The following PDLIM5 variants were observed in gnomAD, a reference collection of about 807,000 sequenced individuals.
PDLIM5 encodes the protein PDZ and LIM domain 5.
A neutral mutation model predicts 64.2 loss-of-function variants in PDLIM5; 34 were observed. The ratio of observed to expected loss-of-function variants is 0.53; its 90% CI spans 0.40 to 0.71. The LOEUF is 0.71. PDLIM5 is among the 30% of genes least tolerant of loss of function. The probability of loss-of-function intolerance (pLI) is 0.00; values close to 1 mark genes in which losing one functional copy is unlikely to be tolerated. For missense variants in PDLIM5, 683 were observed against 733.6 expected (o/e 0.93, Z 0.80); for synonymous variants, 253 against 269.1 (o/e 0.94, Z 0.59).
At chr4:94,598,290 C>G (rs892902562) in intron 7 of PDLIM5, among the ~76,000 whole-genome samples, 8 of 152,048 alleles carry the variant, frequency 5.3e-5, no homozygotes, top group African/African-American at 1.7e-4. Flanking sequence ...TCGTATGGCT[C>G]CTAAAATGAT....
intron 7 of PDLIM5, among the ~76,000 whole-genome samples, chr4:94,597,299 T>G (rs1237570966): frequency 2.0e-5 from 3 of 152,164 alleles, no homozygotes; most frequent in Admixed American, 2.0e-4. Flanking sequence ...AAGTTTACCC[T>G]TGGCTTACAG....
chr4:94,459,792 C>G (rs142371669), intron 2 of PDLIM5, among the ~76,000 whole-genome samples: 146 of 152,112 alleles, frequency 9.6e-4, no homozygotes, highest in Non-Finnish European at 1.8e-3. Flanking sequence ...TGAACTGATC[C>G]TCAAAGGATG....
chr4:94,476,292 C>CTTT (rs1725317253), intron 2 of PDLIM5, among the ~76,000 whole-genome samples: 1 of 152,050 alleles, frequency 6.6e-6, no homozygotes, highest in African/African-American at 2.4e-5. Flanking sequence ...CCTTTCTGGA[C>CTTT]ACGTAAAAGT....
chr4:94,585,351 A>G (rs983437089), intron 5 of PDLIM5, among the ~76,000 whole-genome samples: 2 of 152,098 alleles, frequency 1.3e-5, no homozygotes, highest in African/African-American at 4.8e-5. Context: ...CAGCCTCCCA[A>G]AGTGCTGGGA....
chr4:94,660,588 G>A (rs1742616124), intron 11 of PDLIM5, among the ~76,000 whole-genome samples: 1 of 151,928 alleles, frequency 6.6e-6, no homozygotes, highest in Non-Finnish European at 1.5e-5. Flanking sequence ...TTTCCAATGA[G>A]AATATGAGCC....
intron 1 of PDLIM5, among the ~76,000 whole-genome samples, chr4:94,452,222 A>C (rs1469090750): frequency 6.6e-6 from 1 of 152,148 alleles, no homozygotes; most frequent in East Asian, 1.9e-4. Context: ...TGGAGTCCGC[A>C]TGAGGCCAGA....
At chr4:94,524,368 CAAAAAAAAA>C (rs34215993) in intron 3 of PDLIM5, among the ~76,000 whole-genome samples, 7 of 77,216 alleles carry the variant, frequency 9.1e-5, no homozygotes, top group Non-Finnish European at 1.6e-4. Flanking sequence ...GACCCTGTCT[CAAAAAAAAA>C]AAAAAAAAAA....
chr4:94,497,603 A>G (rs1246877414), intron 2 of PDLIM5, among the ~76,000 whole-genome samples: 1 of 152,214 alleles, frequency 6.6e-6, no homozygotes, highest in Non-Finnish European at 1.5e-5. Flanking sequence ...GGGAAAAAAC[A>G]TCTACTTGAA....
chr4:94,561,629 G>A (rs1347344672), intron 3 of PDLIM5, among the ~76,000 whole-genome samples: 1 of 152,134 alleles, frequency 6.6e-6, no homozygotes, highest in African/African-American at 2.4e-5. Context: ...AATATGACAG[G>A]ATCTCCTATT....
At chr4:94,662,958 A>T (rs1195332782) in intron 12 of PDLIM5, among the ~76,000 whole-genome samples, 2 of 152,132 alleles carry the variant, frequency 1.3e-5, no homozygotes, top group Non-Finnish European at 2.9e-5. Context: ...ATGTTGAGTC[A>T]TTTCTTTTCT....
intron 2 of PDLIM5, among the ~76,000 whole-genome samples, chr4:94,458,590 A>G (rs2433322): frequency 0.36 from 55,219 of 151,840 alleles, 10,671 homozygotes; most frequent in Non-Finnish European, 0.44. Context: ...AAACTGTGCA[A>G]TTTTTCCTCT....
chr4:94,572,370 C>T (rs1030326868), intron 3 of PDLIM5, among the ~76,000 whole-genome samples: 1 of 152,066 alleles, frequency 6.6e-6, no homozygotes, highest in African/African-American at 2.4e-5. Flanking sequence ...TGAATACAAA[C>T]AGTATATTGT....
In PDLIM5 at chr4:94,664,341, CT is replaced by C; in HGVS notation, c.*276del. The stretch of plus-strand genomic sequence containing the variant: ...TTTCCTGATGGACTATTAAATTCAT[CT>C]TAGAATAAATTAGTGAAGAATTTAA... On this transcript the variant is annotated 3_prime_UTR_variant, in exon 13 of 13. Coordinates refer to ENST00000317968, the MANE Select transcript of PDLIM5 (RefSeq NM_006457.5). The C allele has an allele frequency of 1.4e-6, 1 of 716,192 alleles. No homozygotes were observed. The highest frequency in any genetic ancestry group is 1.7e-6 in the Non-Finnish European group (1 of 574,712). 44.4% of individuals were successfully genotyped at this position (716,192 alleles called of 1,614,324 possible).
rs1217016048 is a variant in PDLIM5, at chr4:94,667,341, C to G, written c.*3274C>G. 1 of 152,226 alleles carries G rather than the reference C, an allele frequency of 6.6e-6. No homozygotes were observed. The highest frequency in any genetic ancestry group is 2.4e-5 in the African/African-American group (1 of 41,458). 9.4% of individuals were successfully genotyped at this position (152,226 alleles called of 1,614,324 possible). ...GTCCATAGGCTTCGCATCTGTGATT[C>G]AGCCCACTGTGGGTCAAAAATATTT... is the stretch of plus-strand genomic sequence containing the variant. On this transcript the variant is annotated 3_prime_UTR_variant, in exon 13 of 13. Coordinates refer to ENST00000317968, the MANE Select transcript of PDLIM5 (RefSeq NM_006457.5).
At chr4:94,516,761 G>T (rs1041027636) in intron 2 of PDLIM5, among the ~76,000 whole-genome samples, 1 of 152,020 alleles carries the variant, frequency 6.6e-6, no homozygotes, top group Non-Finnish European at 1.5e-5. Context: ...CAAACTCCTG[G>T]GCTCAAGCGA....
At chr4:94,659,119 TC>T (rs1742447693) in intron 11 of PDLIM5, among the ~76,000 whole-genome samples, 3 of 152,336 alleles carry the variant, frequency 2.0e-5, no homozygotes, top group Admixed American at 2.0e-4. Context: ...TCACATCTAA[TC>T]AACTTGGTCT....
intron 3 of PDLIM5, among the ~76,000 whole-genome samples, chr4:94,529,138 G>C (rs1177307150): frequency 6.6e-6 from 1 of 152,218 alleles, no homozygotes; most frequent in Non-Finnish European, 1.5e-5. Flanking sequence ...AACATTGCGA[G>C]AAAGCTCCGG....
At chr4:94,644,731 T>C (rs1316870913) in intron 9 of PDLIM5, among the ~76,000 whole-genome samples, 1 of 151,930 alleles carries the variant, frequency 6.6e-6, no homozygotes, top group Non-Finnish European at 1.5e-5. Context: ...TTAGTACAGA[T>C]GGGATTTCAC....
intron 7 of PDLIM5, among the ~76,000 whole-genome samples, chr4:94,607,290 G>T (rs1427463514): frequency 1.4e-5 from 2 of 146,588 alleles, no homozygotes; most frequent in African/African-American, 2.5e-5. Flanking sequence ...GGCTAATTTT[G>T]TATTTTTCCT....
Sources: gnomAD v4.1 joint callset for allele counts (sites outside exome capture counted in the v4.1 genomes callset) on GRCh38, gnomAD v4.1.1 for gene constraint, MANE v1.5 for transcripts, NCBI Gene and HGNC (gene_info 2026-07-23, HGNC 2026-07-21) for gene names.